The following SARDH variants were observed in gnomAD, a reference collection of about 807,000 sequenced individuals.
The protein encoded by SARDH is sarcosine dehydrogenase, also known as sarcosine dehydrogenase, mitochondrial.
In SARDH, 95 loss-of-function variants were observed where a neutral mutation model predicts 109.1. The observed-to-expected ratio is 0.87, with a 90% CI of 0.74 to 1.03. SARDH has a LOEUF of 1.03. Ranked by LOEUF, SARDH falls within the 50% of genes least tolerant of loss-of-function variation. The probability of loss-of-function intolerance (pLI) is 0.00; values close to 1 mark genes in which losing one functional copy is unlikely to be tolerated. For synonymous variants in SARDH, 572 were observed against 534.8 expected (o/e 1.07, Z -0.96); for missense variants, 1,267 against 1,287.8 (o/e 0.98, Z 0.25).
chr9:133,691,169 AAC>A (rs3081171), intron 15 of SARDH, among the ~76,000 whole-genome samples: 27,838 of 111,970 alleles, frequency 0.25, 3,154 homozygotes, highest in Admixed American at 0.3. Flanking sequence ...CACCTCCCCC[AAC>A]ACACACACAC....
chr9:133,662,683 G>C (rs967904298), downstream of SARDH, among the ~76,000 whole-genome samples: 14 of 152,220 alleles, frequency 9.2e-5, no homozygotes, highest in African/African-American at 3.4e-4. This position sits in a 1 kb window ranked among gnomAD's most constrained non-coding sequence, Gnocchi z 5.1. Context: ...GTGGCAGCTG[G>C]GGCCTGCCAG....
In SARDH at chr9:133,709,243, G is replaced by A. The variant is rs1831822362; in HGVS notation, c.1329-815C>T. Reference sequence around the variant, plus strand: ...ATTTCTCATGGAGCTACGGAGCTCTGTGGCTGCACCTGCGGCCTAGGCCTC... The same window carrying A: ...ATTTCTCATGGAGCTACGGAGCTCTATGGCTGCACCTGCGGCCTAGGCCTC... On this transcript the variant is annotated intron_variant, in intron 10 of 20. Transcript: ENST00000439388. The surrounding 1 kb of genome is among the most constrained non-coding windows in gnomAD (Gnocchi z 4.2). Among the ~76,000 whole-genome samples, 1 of 152,186 alleles carries A rather than the reference G, an allele frequency of 6.6e-6. No individual in the cohort carries two copies. The highest frequency in any genetic ancestry group is 1.9e-4 in the East Asian group (1 of 5,180).
Position 133,718,935 on chromosome 9 carries a change from T to C in SARDH, c.1020+3A>G. Reference sequence around the variant, plus strand: ...CCATTATCCCAGGGCCCTGGCATCTTACCTCCTCCCAAAAGATGGGGTTGG... The same window carrying C: ...CCATTATCCCAGGGCCCTGGCATCTCACCTCCTCCCAAAAGATGGGGTTGG... On this transcript the variant is annotated splice_donor_region_variant and intron_variant, in intron 7 of 20. Transcript: ENST00000439388. The surrounding 1 kb of genome is among the most constrained non-coding windows in gnomAD (Gnocchi z 4.2). 6.2e-7 allele frequency: 1 copy of C among 1,611,300 alleles called. No individual in the cohort carries two copies. The highest frequency in any genetic ancestry group is 8.5e-7 in the Non-Finnish European group (1 of 1,177,506).
In SARDH at chr9:133,733,831, C is replaced by T; in HGVS notation, c.331+12G>A. 2 of 1,451,198 alleles carry T rather than the reference C, an allele frequency of 1.4e-6. No individual in the cohort carries two copies. Among genetic ancestry groups the T allele is most frequent in the Non-Finnish European group, 1.8e-6 (2 of 1,099,172 alleles). 89.9% of individuals were successfully genotyped at this position (1,451,198 alleles called of 1,614,324 possible). On this transcript the variant is annotated intron_variant, in intron 2 of 20. Coordinates refer to ENST00000439388, the MANE Select transcript of SARDH (RefSeq NM_001134707.2). ...TATCCTTCCCTGCCCCTACCTGGCC[C>T]CCGGTCCCTACCTGCCGTGTGCCAG...
chr9:133,734,259 C>T (rs1832790607), intron 1 of SARDH, 56 bp from the exon 2 acceptor site: 2 of 1,256,630 alleles, frequency 1.6e-6, no homozygotes, highest in Admixed American at 3.0e-5. Flanking sequence ...GGGGGCTGTG[C>T]TGAGTACCCA....
At chr9:133,710,671 G>A (rs184875267) in intron 10 of SARDH, among the ~76,000 whole-genome samples, 8 of 152,348 alleles carry the variant, frequency 5.3e-5, no homozygotes, top group Admixed American at 3.9e-4. Context: ...TCCTCTCCTC[G>A]CTCTGTCTCT....
At chr9:133,714,232 C>T (rs1832038119) in intron 8 of SARDH, among the ~76,000 whole-genome samples, 5 of 152,210 alleles carry the variant, frequency 3.3e-5, no homozygotes, top group Admixed American at 3.3e-4. Context: ...GGAGAGCAAT[C>T]AGGGCCCCCA....
chr9:133,673,244 G>A (rs2797834), intron 17 of SARDH, among the ~76,000 whole-genome samples: 39,127 of 152,238 alleles, frequency 0.26, 5,141 homozygotes, highest in East Asian at 0.37. Flanking sequence ...GTTCAGGTGC[G>A]TGGCACGTCC....
intron 6 of SARDH, among the ~76,000 whole-genome samples, chr9:133,721,032 G>T (rs1474255090): frequency 6.6e-6 from 1 of 152,190 alleles, no homozygotes; most frequent in Non-Finnish European, 1.5e-5. Context: ...AATATCAGAA[G>T]GTCCGTCTTG....
chr9:133,730,891 G>A (rs1005957145), intron 4 of SARDH, among the ~76,000 whole-genome samples: 1 of 152,118 alleles, frequency 6.6e-6, no homozygotes, highest in Admixed American at 6.6e-5. Flanking sequence ...GCAGGAGAAT[G>A]GCATGAACCC....
chr9:133,696,411 C>T, intron 13 of SARDH, 50 bp from the exon 14 acceptor site: 1 of 1,612,278 alleles, frequency 6.2e-7, no homozygotes, highest in South Asian at 1.1e-5. Context: ...TTGGGGTGTG[C>T]TTCTTCCTCA....
Position 133,685,272 on chromosome 9 carries a change from T to C in SARDH, c.2084A>G (p.Gln695Arg). 1 of 1,613,850 alleles carries C rather than the reference T, an allele frequency of 6.2e-7. No homozygotes were observed. ...IQGPASRAIL[Q>R]EVLDADLSNE... ...GCTCAGGTCTGCGTCCAGCACCTCC[T>C]GCAAAATGGCTCGGCTGCAGGCAAG... Residue 695 changes from glutamine (Q) to arginine (R), a missense_variant, in exon 17 of 21, where the codon CAG becomes CGG. By Grantham distance (43) the Gln-to-Arg change is conservative (BLOSUM62 1). Transcript: ENST00000439388.
At chr9:133,661,233 T>G (rs987036601), downstream of SARDH, among the ~76,000 whole-genome samples, 8 of 151,680 alleles carry the variant, frequency 5.3e-5, no homozygotes, top group African/African-American at 1.9e-4. Context: ...CCTAGCTATT[T>G]GGGAGGCTGA....
rs1830055916 is a variant in SARDH at position 133,666,115 on chromosome 9, C to A, written c.2631+620G>T. 6.6e-6 allele frequency among the ~76,000 whole-genome samples: 1 copy of A among 152,214 alleles called. No individual in the cohort carries two copies. Among genetic ancestry groups the A allele is most frequent in the Non-Finnish European group, 1.5e-5 (1 of 68,042 alleles). ...CTCCTGGGGGCAGTGCCTGCTCTTTCCAGCCTGTTCCTGCCTCCTGCAGCC... is the reference window on the plus strand; with the variant it reads ...CTCCTGGGGGCAGTGCCTGCTCTTTACAGCCTGTTCCTGCCTCCTGCAGCC... On this transcript the variant is annotated intron_variant, in intron 20 of 20. Transcript: ENST00000439388. The surrounding 1 kb of genome is among the most constrained non-coding windows in gnomAD (Gnocchi z 5.2).
At chr9:133,665,205 TAACCTCGG>T (rs151109645) in intron 20 of SARDH, among the ~76,000 whole-genome samples, 5,044 of 152,304 alleles carry the variant, frequency 0.033, 131 homozygotes, top group South Asian at 0.11. Context: ...GGATGCCGTT[TAACCTCGG>T]AACCTCGGCT....
At chr9:133,677,937 C>T (rs909004649) in intron 17 of SARDH, among the ~76,000 whole-genome samples, 1 of 152,220 alleles carries the variant, frequency 6.6e-6, no homozygotes, top group Non-Finnish European at 1.5e-5. Flanking sequence ...CCCGCTGAGT[C>T]CCCCACACTT....
chr9:133,708,686 C>T (rs1048581254), intron 10 of SARDH, among the ~76,000 whole-genome samples: 1 of 152,036 alleles, frequency 6.6e-6, no homozygotes, highest in Admixed American at 6.5e-5. Flanking sequence ...TCTCATCCCC[C>T]ACAGGGACAT....
intron 17 of SARDH, among the ~76,000 whole-genome samples, chr9:133,681,920 AT>A (rs1469138888): frequency 3.5e-5 from 4 of 115,128 alleles, no homozygotes; most frequent in Admixed American, 2.8e-4. Context: ...CCTCCCCCCC[AT>A]CCCACACGCA....
intron 10 of SARDH, among the ~76,000 whole-genome samples, chr9:133,711,711 C>A (rs1481563729): frequency 2.0e-5 from 3 of 152,212 alleles, no homozygotes; most frequent in Non-Finnish European, 4.4e-5. Context: ...CCTCCGGAGC[C>A]CACCCACCTA....
Sources: allele counts gnomAD v4.1 joint callset (sites outside exome capture counted in the v4.1 genomes callset), GRCh38; gene constraint gnomAD v4.1.1; non-coding constraint Gnocchi (gnomAD v3.1); transcripts MANE v1.5; gene names NCBI Gene and HGNC (gene_info 2026-07-23, HGNC 2026-07-21).